Variants in PTPRN2 observed in about 807,000 individuals in gnomAD.
PTPRN2 encodes the protein protein tyrosine phosphatase receptor type N2.
PTPRN2 carries 74 observed loss-of-function variants against 118.8 expected under a neutral mutation model. The observed-to-expected ratio is 0.62, with a 90% CI of 0.52 to 0.76. The LOEUF (loss-of-function observed/expected upper bound fraction) is 0.76, where lower values mean the gene tolerates loss of function less well. PTPRN2 is among the 30% of genes least tolerant of loss of function. PTPRN2 has a pLI of 0.00. For synonymous variants in PTPRN2, 641 were observed against 608.0 expected (o/e 1.05, Z -0.80); for missense variants, 1,481 against 1,394.4 (o/e 1.06, Z -0.99).
intron 3 of PTPRN2, among the ~76,000 whole-genome samples, chr7:158,207,831 T>C (rs1024269117): frequency 6.6e-6 from 1 of 152,204 alleles, no homozygotes; most frequent in East Asian, 1.9e-4. Context: ...GGGATAGATA[T>C]GTTACCTTTC....
intron 1 of PTPRN2, among the ~76,000 whole-genome samples, chr7:158,569,609 C>T (rs1827861245): frequency 1.3e-5 from 2 of 152,264 alleles, no homozygotes; most frequent in Admixed American, 6.5e-5. Context: ...GAGGGCGCCA[C>T]TGACAGGAGC....
chr7:157,881,095 T>C lies in PTPRN2; in HGVS notation c.1788+17578A>G. Among the ~76,000 whole-genome samples, 1 of 152,070 alleles carries C rather than the reference T, an allele frequency of 6.6e-6. No homozygotes were observed. The highest frequency in any genetic ancestry group is 6.6e-5 in the Admixed American group (1 of 15,258). The stretch of plus-strand genomic sequence containing the variant: ...ATGAGGTCATGAGGATATGTGGAGA[T>C]GGGGGTGTTTACAGTAGTCATTATG... On this transcript the variant is annotated intron_variant, in intron 12 of 22. Transcript: ENST00000389418. The surrounding 1 kb of genome is among the most constrained non-coding windows in gnomAD (Gnocchi z 4.7).
chr7:158,009,903 G>A (rs377219676), intron 11 of PTPRN2, among the ~76,000 whole-genome samples: 25 of 152,212 alleles, frequency 1.6e-4, no homozygotes, highest in Middle Eastern at 3.4e-3. Flanking sequence ...TCTACGCCAC[G>A]CCATTCCCAG....
At chr7:158,327,206 T>C (rs1272384082) in intron 2 of PTPRN2, among the ~76,000 whole-genome samples, 1 of 147,040 alleles carries the variant, frequency 6.8e-6, no homozygotes, top group Non-Finnish European at 1.5e-5. Flanking sequence ...CATGCACACA[T>C]TCTCAAACAC....
chr7:158,107,589 T>C (rs1815787847), intron 10 of PTPRN2, among the ~76,000 whole-genome samples: 1 of 152,150 alleles, frequency 6.6e-6, no homozygotes, highest in Non-Finnish European at 1.5e-5. Flanking sequence ...CCTGAGGCCC[T>C]ACTTGCCTGT....
intron 6 of PTPRN2, among the ~76,000 whole-genome samples, chr7:158,146,318 A>C (rs377102331): frequency 2.4e-4 from 37 of 152,284 alleles, no homozygotes; most frequent in African/African-American, 7.2e-4. Flanking sequence ...CCTCTCATTA[A>C]AGTCAAAGCC....
chr7:158,556,518 A>G (rs997543017), intron 1 of PTPRN2, among the ~76,000 whole-genome samples: 2 of 151,556 alleles, frequency 1.3e-5, no homozygotes, highest in African/African-American at 4.9e-5. Context: ...ACACCACTGC[A>G]CTCCAGCCTG....
intron 2 of PTPRN2, among the ~76,000 whole-genome samples, chr7:158,404,510 C>T (rs1160658496): frequency 6.6e-6 from 1 of 152,150 alleles, no homozygotes; most frequent in Non-Finnish European, 1.5e-5. Context: ...GACGGGGGCT[C>T]CCCAGGGGAC....
At position 158,204,534 on chromosome 7, in the gene PTPRN2, G is replaced by GT. The variant is rs199614047; in HGVS notation, c.380+636dup. On this transcript the variant is annotated intron_variant, in intron 4 of 22. Coordinates refer to ENST00000389418, the MANE Select transcript of PTPRN2 (RefSeq NM_002847.5). Reference sequence around the variant, plus strand: ...AACCTTTAGGAAAGGTCATTTTCATGTTTTTTTTTAAAAAACATGAAAAAT... The same window carrying GT: ...AACCTTTAGGAAAGGTCATTTTCATGTTTTTTTTTTAAAAAACATGAAAAAT... Among the ~76,000 whole-genome samples, 483 of 151,848 alleles carry GT rather than the reference G, an allele frequency of 3.2e-3. 2 individuals carry two copies. The highest frequency in any genetic ancestry group is 7.3e-3 in the African/African-American group (302 of 41,470).
chr7:158,142,211 CCCGCCT>C (rs1359206239), intron 6 of PTPRN2, among the ~76,000 whole-genome samples: 4 of 152,250 alleles, frequency 2.6e-5, no homozygotes, highest in Non-Finnish European at 5.9e-5. Context: ...GGAGCCCACG[CCCGCCT>C]CCGCCTCTGT....
intron 12 of PTPRN2, among the ~76,000 whole-genome samples, chr7:157,703,393 G>A (rs1037438740): frequency 5.3e-5 from 8 of 152,310 alleles, no homozygotes; most frequent in East Asian, 1.9e-4. Flanking sequence ...TGGGGCTGCC[G>A]CTGCTGAGCT....
intron 12 of PTPRN2, among the ~76,000 whole-genome samples, chr7:157,778,776 G>A (rs998213275): frequency 2.6e-5 from 4 of 152,046 alleles, no homozygotes; most frequent in South Asian, 2.1e-4. Context: ...TACGGGTGCC[G>A]AATGCCCACA....
chr7:157,683,571 C>G (rs1263553), intron 12 of PTPRN2, among the ~76,000 whole-genome samples: 67,702 of 151,450 alleles, frequency 0.45, 15,426 homozygotes, highest in East Asian at 0.61. Flanking sequence ...ACAACACTTG[C>G]CACCTATGCA....
In PTPRN2 at chr7:158,291,822, A is replaced by G. The variant is rs139426759; in HGVS notation, c.277+24997T>C. On this transcript the variant is annotated intron_variant, in intron 3 of 22. Coordinates refer to ENST00000389418, the MANE Select transcript of PTPRN2 (RefSeq NM_002847.5). ...AGCCAGCTAACACTACCAGAACCCT[A>G]ACAAAATCACAAGAAAGTTTAACTC... Among the ~76,000 whole-genome samples the G allele has an allele frequency of 8.9e-4, 135 of 152,346 alleles. 1 individual carries two copies. The East Asian group carries it at 0.021, about 24-fold the overall frequency.
chr7:158,513,100 A>T (rs1823293161), intron 1 of PTPRN2, among the ~76,000 whole-genome samples: 1 of 152,064 alleles, frequency 6.6e-6, no homozygotes, highest in Non-Finnish European at 1.5e-5. Flanking sequence ...AAGCGGGGTG[A>T]GGGGGAGAAG....
chr7:157,825,643 G>A (rs961132653), intron 12 of PTPRN2, among the ~76,000 whole-genome samples: 20 of 152,144 alleles, frequency 1.3e-4, no homozygotes, highest in African/African-American at 4.8e-4. Flanking sequence ...CTGCTGCCTG[G>A]ACCACTGCCC....
intron 17 of PTPRN2, among the ~76,000 whole-genome samples, chr7:157,578,509 A>G (rs1341165666): frequency 1.3e-5 from 2 of 152,192 alleles, no homozygotes; most frequent in Non-Finnish European, 2.9e-5. Context: ...GGTGGCTAGC[A>G]TCATTTTGCT....
intron 12 of PTPRN2, among the ~76,000 whole-genome samples, chr7:157,782,868 C>T (rs766163445): frequency 3.3e-5 from 5 of 152,180 alleles, no homozygotes; most frequent in East Asian, 1.9e-4. Flanking sequence ...CTGCTTGACT[C>T]GGGGAGCCTT....
chr7:158,177,208 C>T (rs796356294), intron 5 of PTPRN2, among the ~76,000 whole-genome samples: 2 of 152,068 alleles, frequency 1.3e-5, no homozygotes, highest in Non-Finnish European at 2.9e-5. Context: ...ATTGCATTCC[C>T]CCTAATTTGA....
Sources: gnomAD v4.1 joint callset for allele counts (sites outside exome capture counted in the v4.1 genomes callset) on GRCh38, gnomAD v4.1.1 for gene constraint, Gnocchi (gnomAD v3.1) non-coding constraint, MANE v1.5 for transcripts, NCBI Gene and HGNC (gene_info 2026-07-23, HGNC 2026-07-21) for gene names.